Variants in MTCH2 observed in about 807,000 individuals in gnomAD.
The protein encoded by MTCH2 is mitochondrial carrier 2, also known as mitochondrial carrier homolog 2.
Under a neutral mutation model 50.6 loss-of-function variants are expected in MTCH2, and 25 were observed. The observed-to-expected ratio is 0.49, with a 90% confidence interval of 0.36 to 0.69. The LOEUF (loss-of-function observed/expected upper bound fraction) is 0.69, where lower values mean the gene tolerates loss of function less well. Ranked by LOEUF, MTCH2 falls within the 30% of genes least tolerant of loss-of-function variation. MTCH2 has a pLI of 0.00. For missense variants in MTCH2, 273 were observed against 384.4 expected, an observed-to-expected ratio of 0.71 and a Z score of 2.42; for synonymous variants, 106 against 132.0, an observed-to-expected ratio of 0.80 and a Z score of 1.35.
chr11:47,622,833 C>T (rs1464887701), intron 11 of MTCH2, 57 bp from the exon 12 acceptor site: 13 of 1,022,324 alleles, frequency 1.3e-5, no homozygotes, highest in South Asian at 6.1e-5. Context: ...TCTCTTGAGA[C>T]GTTGATAAAC....
the MTCH2 span, among the ~76,000 whole-genome samples, chr11:47,607,977 T>C: frequency 1.2e-4 from 18 of 152,328 alleles, no homozygotes; most frequent in Admixed American, 4.6e-4. Flanking sequence ...GCTCCGATCA[T>C]CATGCAGAAA....
intron 12 of MTCH2, 23 bp from the exon 13 acceptor site, chr11:47,618,942 A>G: frequency 2.0e-6 from 3 of 1,497,588 alleles, no homozygotes; most frequent in Non-Finnish European, 1.8e-6. Context: ...ACAAAACAAA[A>G]CACAAATAAT....
intron 8 of MTCH2, among the ~76,000 whole-genome samples, chr11:47,630,329 A>G (rs2097301893): frequency 6.6e-6 from 1 of 152,164 alleles, no homozygotes; most frequent in Non-Finnish European, 1.5e-5. Flanking sequence ...AGTATCTAGA[A>G]GTAAAGGTTT....
At chr11:47,619,648 A>T (rs1337421540) in intron 12 of MTCH2, among the ~76,000 whole-genome samples, 2 of 152,192 alleles carry the variant, frequency 1.3e-5, no homozygotes, top group Admixed American at 6.5e-5. Flanking sequence ...ACAAGAAATT[A>T]AAAAATTAAA....
At chr11:47,614,748 T>C (rs1053844378), downstream of MTCH2, among the ~76,000 whole-genome samples, 3 of 152,188 alleles carry the variant, frequency 2.0e-5, no homozygotes, top group Non-Finnish European at 4.4e-5. Flanking sequence ...TACCTAATTT[T>C]TGTAATTTTA....
intron 5 of MTCH2, among the ~76,000 whole-genome samples, chr11:47,632,515 G>A (rs1280918486): frequency 3.3e-5 from 5 of 150,932 alleles, no homozygotes; most frequent in Admixed American, 2.0e-4. Flanking sequence ...CATCATGCCC[G>A]GCTAATTTTT....
downstream of MTCH2, among the ~76,000 whole-genome samples, chr11:47,615,194 A>T (rs1188143006): frequency 1.3e-5 from 2 of 151,926 alleles, no homozygotes; most frequent in Non-Finnish European, 2.9e-5. Flanking sequence ...CACACCACCA[A>T]GCCTGGCTAA....
At chr11:47,637,398 T>TC (rs1443051095) in intron 3 of MTCH2, among the ~76,000 whole-genome samples, 1 of 152,226 alleles carries the variant, frequency 6.6e-6, no homozygotes. Flanking sequence ...AAGACTCTTT[T>TC]CTTCCCTGCA....
the MTCH2 span, among the ~76,000 whole-genome samples, chr11:47,612,261 C>CA: frequency 3.0e-4 from 45 of 150,630 alleles, no homozygotes; most frequent in Admixed American, 1.5e-3. Context: ...ACTAAAAATA[C>CA]AAAAAAAAAT....
At position 47,618,659 on chromosome 11, in the gene MTCH2, T is replaced by A. The variant is rs2097290219; in HGVS notation, c.*174A>T. ...ATAACTAAAGGGGGAGTATCAGTGG[T>A]AAGTTATGTTGTGCTGGAAAAAAGA... On this transcript the variant is annotated 3_prime_UTR_variant, in exon 13 of 13. Coordinates refer to ENST00000302503, the MANE Select transcript of MTCH2 (RefSeq NM_014342.4). 1.9e-6 allele frequency: 1 copy of A among 534,244 alleles called. No individual in the cohort carries two copies. Among genetic ancestry groups the A allele is most frequent in the African/African-American group, 2.5e-5 (1 of 40,194 alleles). 33.1% of individuals were successfully genotyped at this position (534,244 alleles called of 1,614,324 possible).
chr11:47,639,853 C>T (rs879393589), intron 1 of MTCH2, among the ~76,000 whole-genome samples: 1 of 151,726 alleles, frequency 6.6e-6, no homozygotes, highest in Non-Finnish European at 1.5e-5. Flanking sequence ...AACAAACAAA[C>T]AAACGAACAA....
At chr11:47,629,375 C>T (rs780300211) in intron 8 of MTCH2, 15 of 249,732 alleles carry the variant, frequency 6.0e-5, no homozygotes, top group Non-Finnish European at 9.7e-5. Context: ...TATTGTTTTG[C>T]TTTGACTAGC....
Position 47,633,524 on chromosome 11 carries a change from ATATTTTTTTTTT to A in MTCH2, c.369+1136_369+1147del, listed in dbSNP as rs1173322934. ...TTTTGGAATATATATATATATATAT[ATATTTTTTTTTT>A]TTTTTTTTTTTTTTCTTGAGATGGA... On this transcript the variant is annotated intron_variant, in intron 5 of 12. Transcript: ENST00000302503. Among the ~76,000 whole-genome samples, 19 of 55,304 alleles carry A rather than the reference ATATTTTTTTTTT, an allele frequency of 3.4e-4. 1 individual carries two copies. The highest frequency in any genetic ancestry group is 1.6e-3 in the African/African-American group (18 of 11,062). The allele number at this position is 55,304 out of a possible 152,430, so 36.3% of individuals were successfully genotyped here.
chr11:47,610,651 G>A, the MTCH2 span, among the ~76,000 whole-genome samples: 16 of 152,174 alleles, frequency 1.1e-4, no homozygotes, highest in Admixed American at 1.0e-3. Flanking sequence ...GTTGCAGTGA[G>A]CCGAGATCGA....
chr11:47,618,878 G>A lies in MTCH2; in HGVS notation c.867C>T (p.Val289=), dbSNP rs75795699. 8 of 1,237,156 alleles carry A rather than the reference G, an allele frequency of 6.5e-6. No individual in the cohort carries two copies. Among genetic ancestry groups the A allele is most frequent in the Non-Finnish European group, 8.1e-6 (8 of 991,670 alleles). 76.6% of individuals were successfully genotyped at this position (1,237,156 alleles called of 1,614,324 possible). The change falls in exon 13 of 13, where the codon GTC becomes GTT. Residue 289 remains valine, a synonymous_variant. Coordinates refer to ENST00000302503, the MANE Select transcript of MTCH2 (RefSeq NM_014342.4). ...SRGNSLFFRK[V]PFGKTYCCDL... is the part of the protein sequence containing the mutation. ...CACAACAATAAGTCTTCCCAAAGGG[G>A]ACCTTCCGGAAAAATAAGCTATTTC...
At chr11:47,609,022 G>A in the MTCH2 span, among the ~76,000 whole-genome samples, 2 of 149,628 alleles carry the variant, frequency 1.3e-5, no homozygotes, top group Admixed American at 6.7e-5. Context: ...TTACTTGGGA[G>A]GCTGAGGCAG....
chr11:47,625,592 C>T (rs1163812063), intron 11 of MTCH2, 82 bp downstream of exon 11: 2 of 932,440 alleles, frequency 2.1e-6, no homozygotes, highest in Non-Finnish European at 3.0e-6. Flanking sequence ...GATCATTCAT[C>T]TTTCCTAAAT....
intron 11 of MTCH2, among the ~76,000 whole-genome samples, chr11:47,623,240 C>T (rs1403847796): frequency 5.3e-5 from 8 of 152,018 alleles, no homozygotes; most frequent in Non-Finnish European, 1.2e-4. Context: ...GGCATGGTGG[C>T]GCATGCCTGT....
chr11:47,624,270 G>A (rs2097296028), intron 11 of MTCH2, among the ~76,000 whole-genome samples: 1 of 149,272 alleles, frequency 6.7e-6, no homozygotes, highest in Non-Finnish European at 1.5e-5. Flanking sequence ...GCCCAACTCA[G>A]TAGAGTCACT....
Sources: gnomAD v4.1 joint callset for allele counts (sites outside exome capture counted in the v4.1 genomes callset) on GRCh38, gnomAD v4.1.1 for gene constraint, MANE v1.5 for transcripts, NCBI Gene and HGNC (gene_info 2026-07-23, HGNC 2026-07-21) for gene names.